Variants in SUSD6 observed in about 807,000 individuals in gnomAD.
SUSD6 encodes sushi domain-containing protein 6.
In SUSD6, 16 loss-of-function variants were observed where a neutral mutation model predicts 28.4. The ratio of observed to expected loss-of-function variants is 0.56; its 90% confidence interval spans 0.38 to 0.86. The LOEUF (loss-of-function observed/expected upper bound fraction) is 0.86, where lower values mean the gene tolerates loss of function less well. Among genes scored for constraint, SUSD6 ranks in the 40% least tolerant of loss-of-function variants. The pLI is 0.00. For missense variants in SUSD6, 341 were observed against 384.2 expected, an observed-to-expected ratio of 0.89 and a Z score of 0.94; for synonymous variants, 147 against 159.6, an observed-to-expected ratio of 0.92 and a Z score of 0.59.
At chr14:69,628,430 C>A (rs541889324) in intron 1 of SUSD6, among the ~76,000 whole-genome samples, 1 of 152,204 alleles carries the variant, frequency 6.6e-6, no homozygotes, top group Non-Finnish European at 1.5e-5. Context: ...TATGACATTT[C>A]TGTTATTCCT....
chr14:69,697,761 G>GTAAGATCAT lies in SUSD6; in HGVS notation c.122-5634_122-5633insTAAGATCAT, dbSNP rs1886247259. Reference sequence around the variant, plus strand: ...CCTCAGGCTCTTACCCTCCCTGGGTGCCGATGAATGATCACCTAGCCAGAA... The same window carrying GTAAGATCAT: ...CCTCAGGCTCTTACCCTCCCTGGGTGTAAGATCATCCGATGAATGATCACCTAGCCAGAA... On this transcript the variant is annotated intron_variant, in intron 2 of 5. Coordinates refer to ENST00000342745, the MANE Select transcript of SUSD6 (RefSeq NM_014734.4). 2.6e-5 allele frequency among the ~76,000 whole-genome samples: 4 copies of GTAAGATCAT among 152,118 alleles called. No homozygotes were observed. The South Asian group carries it at 8.3e-4, about 32-fold the overall frequency.
intron 1 of SUSD6, among the ~76,000 whole-genome samples, chr14:69,612,999 A>G (rs919958683): frequency 6.6e-6 from 1 of 152,198 alleles, no homozygotes; most frequent in Non-Finnish European, 1.5e-5. Flanking sequence ...TAGTAGAGAC[A>G]TGTGCTTGGC....
At chr14:69,627,283 T>A (rs753795479) in intron 1 of SUSD6, among the ~76,000 whole-genome samples, 1 of 152,172 alleles carries the variant, frequency 6.6e-6, no homozygotes, top group Non-Finnish European at 1.5e-5. Flanking sequence ...TAGAAAAGGA[T>A]GAAGCTCTGG....
intron 1 of SUSD6, among the ~76,000 whole-genome samples, chr14:69,638,557 A>G (rs1036931446): frequency 6.6e-6 from 1 of 152,068 alleles, no homozygotes; most frequent in Admixed American, 6.6e-5. Flanking sequence ...CTGGAAGGGC[A>G]GCATACCCTA....
At chr14:69,665,394 A>G (rs1017371344) in intron 2 of SUSD6, among the ~76,000 whole-genome samples, 2 of 152,114 alleles carry the variant, frequency 1.3e-5, no homozygotes, top group Admixed American at 6.5e-5. Context: ...GACTATAGGC[A>G]TGCATCACCA....
chr14:69,612,311 C>A (rs1247589215), intron 1 of SUSD6, among the ~76,000 whole-genome samples: 1 of 152,194 alleles, frequency 6.6e-6, no homozygotes, highest in Admixed American at 6.5e-5. Flanking sequence ...CTGAGGAAAT[C>A]TCAGAGCCCG....
intron 2 of SUSD6, among the ~76,000 whole-genome samples, chr14:69,687,875 G>C (rs957124032): frequency 1.3e-5 from 2 of 151,612 alleles, no homozygotes; most frequent in East Asian, 3.9e-4. Context: ...TTTTCTTTTT[G>C]TTTTTTTTCT....
At chr14:69,653,162 G>A (rs569864237) in intron 1 of SUSD6, among the ~76,000 whole-genome samples, 7 of 152,256 alleles carry the variant, frequency 4.6e-5, no homozygotes, top group East Asian at 1.9e-4. Context: ...GAGTGTCCAC[G>A]ACATCACATT....
chr14:69,710,826 T>A, intron 5 of SUSD6, 128 bp from the exon 6 acceptor site: 1 of 848,876 alleles, frequency 1.2e-6, no homozygotes, highest in South Asian at 1.5e-5. Flanking sequence ...TAGAAGTGTA[T>A]GAGTGGGACA....
chr14:69,710,267 G>T (rs567803091), intron 5 of SUSD6, among the ~76,000 whole-genome samples: 1 of 152,148 alleles, frequency 6.6e-6, no homozygotes, highest in Non-Finnish European at 1.5e-5. Flanking sequence ...TATTTAACAA[G>T]CATTTTGAGA....
rs1319812546 is a variant in SUSD6, at chr14:69,712,365, C to G, written c.*1386C>G. On this transcript the variant is annotated 3_prime_UTR_variant, in exon 6 of 6. Transcript: ENST00000342745. ...GAGCCCACTGATGAGGGGCGCTCTC[C>G]CATAGCCATGTGTTGAATGCTAACT... 6.6e-6 allele frequency: 1 copy of G among 152,304 alleles called. No individual in the cohort carries two copies. Among genetic ancestry groups the G allele is most frequent in the Non-Finnish European group, 1.5e-5 (1 of 68,148 alleles). The allele number at this position is 152,304 out of a possible 1,614,324, so 9.4% of individuals were successfully genotyped here.
In SUSD6 at chr14:69,704,147, A is replaced by G. The variant is rs570384585; in HGVS notation, c.320-457A>G. Among the ~76,000 whole-genome samples, 112 of 152,332 alleles carry G rather than the reference A, an allele frequency of 7.4e-4. 1 individual carries two copies. The Middle Eastern group carries it at 0.017, about 23-fold the overall frequency. On this transcript the variant is annotated intron_variant, in intron 3 of 5. Coordinates refer to ENST00000342745, the MANE Select transcript of SUSD6 (RefSeq NM_014734.4). Reference sequence around the variant, plus strand: ...GGTGGGAACCAACCTGAGAGTTACAATTAAAGCTGTGGATCTTAAGACAAG... The same window carrying G: ...GGTGGGAACCAACCTGAGAGTTACAGTTAAAGCTGTGGATCTTAAGACAAG...
At chr14:69,693,285 G>C (rs532339946) in intron 2 of SUSD6, among the ~76,000 whole-genome samples, 1 of 151,838 alleles carries the variant, frequency 6.6e-6, no homozygotes. Context: ...AACAGTGGGA[G>C]GGGGAGGGGT....
Position 69,646,903 on chromosome 14 carries a change from A to G in SUSD6, c.-80-11610A>G, listed in dbSNP as rs571137053. 2.9e-4 allele frequency among the ~76,000 whole-genome samples: 44 copies of G among 152,006 alleles called. 1 individual carries two copies. In the East Asian group the frequency reaches 8.3e-3, roughly 29 times the overall value. On this transcript the variant is annotated intron_variant, in intron 1 of 5. Coordinates refer to ENST00000342745, the MANE Select transcript of SUSD6 (RefSeq NM_014734.4). ...TTTTTAGTAGAGACGGGGTTTCACCATGTTAGCCAGGATGGTCTCGAACTC... is the reference window on the plus strand; with the variant it reads ...TTTTTAGTAGAGACGGGGTTTCACCGTGTTAGCCAGGATGGTCTCGAACTC...
intron 1 of SUSD6, among the ~76,000 whole-genome samples, chr14:69,636,249 T>C (rs1595035920): frequency 6.6e-6 from 1 of 152,254 alleles, no homozygotes; most frequent in Non-Finnish European, 1.5e-5. Context: ...GCAAGTACTG[T>C]TGCTGTTGAA....
intron 2 of SUSD6, among the ~76,000 whole-genome samples, chr14:69,681,760 G>A (rs368391359): frequency 2.6e-5 from 4 of 152,224 alleles, no homozygotes; most frequent in African/African-American, 9.6e-5. Flanking sequence ...TCATGGCAAA[G>A]GTAGGATTGG....
chr14:69,623,299 T>A (rs2139592582), intron 1 of SUSD6, among the ~76,000 whole-genome samples: 1 of 152,274 alleles, frequency 6.6e-6, no homozygotes, highest in South Asian at 2.1e-4. Flanking sequence ...TGATGGTGGT[T>A]CCATAAGATT....
At chr14:69,675,039 C>T (rs1175956010) in intron 2 of SUSD6, among the ~76,000 whole-genome samples, 2 of 151,818 alleles carry the variant, frequency 1.3e-5, no homozygotes, top group South Asian at 2.1e-4. Context: ...TTTCTCATTT[C>T]CCCCCCACCC....
intron 1 of SUSD6, among the ~76,000 whole-genome samples, chr14:69,638,655 G>C (rs1885301245): frequency 1.3e-5 from 2 of 152,200 alleles, no homozygotes; most frequent in Admixed American, 6.5e-5. Context: ...GATCTGGGAT[G>C]AAGGCTGAAA....
Sources: gnomAD v4.1 joint callset for allele counts (sites outside exome capture counted in the v4.1 genomes callset) on GRCh38, gnomAD v4.1.1 for gene constraint, MANE v1.5 for transcripts, NCBI Gene and HGNC (gene_info 2026-07-23, HGNC 2026-07-21) for gene names.